USP32: variants seen among roughly 807,000 people sequenced by gnomAD.
The protein encoded by USP32 is ubiquitin carboxyl-terminal hydrolase 32.
A neutral mutation model predicts 204.8 loss-of-function variants in USP32; 59 were observed. The ratio of observed to expected loss-of-function variants is 0.29; its 90% CI spans 0.23 to 0.36. USP32 has a LOEUF of 0.36. Among genes scored for constraint, USP32 ranks in the 10% least tolerant of loss-of-function variants. The probability of loss-of-function intolerance (pLI) is 1.00; values close to 1 mark genes in which losing one functional copy is unlikely to be tolerated. For missense variants in USP32, 1,160 were observed against 1,946.4 expected (o/e 0.60, Z 7.60); for synonymous variants, 517 against 678.4 (o/e 0.76, Z 3.70).
At chr17:60,383,650 A>G (rs541080943) in intron 1 of USP32, among the ~76,000 whole-genome samples, 77 of 152,380 alleles carry the variant, frequency 5.1e-4, no homozygotes, top group Non-Finnish European at 9.8e-4. Context: ...AGATATGAGA[A>G]TGAGCCAGAC....
chr17:60,208,931 GA>G, intron 22 of USP32, 103 bp from the exon 23 acceptor site: 6 of 1,224,250 alleles, frequency 4.9e-6, no homozygotes, highest in Non-Finnish European at 5.5e-6. Context: ...TAAATGTAAA[GA>G]ATATAATCCT....
chr17:60,344,235 TCTC>T (rs1295286245), intron 2 of USP32, among the ~76,000 whole-genome samples: 4 of 143,354 alleles, frequency 2.8e-5, no homozygotes, highest in Admixed American at 7.0e-5. Context: ...TTCAAGCAAT[TCTC>T]CTGCCTCAGC....
chr17:60,200,386 C>T (rs1162092799), intron 26 of USP32, among the ~76,000 whole-genome samples: 2 of 151,858 alleles, frequency 1.3e-5, no homozygotes, highest in Admixed American at 6.6e-5. Flanking sequence ...CATAGAGAAA[C>T]TCTGTCTCTA....
At chr17:60,378,310 T>A (rs550725902) in intron 1 of USP32, among the ~76,000 whole-genome samples, 1 of 152,308 alleles carries the variant, frequency 6.6e-6, no homozygotes, top group African/African-American at 2.4e-5. Flanking sequence ...TGGGTAGATA[T>A]GGAGAAAATG....
chr17:60,232,174 T>TC (rs200646774), intron 12 of USP32, among the ~76,000 whole-genome samples: 4,767 of 140,754 alleles, frequency 0.034, 280 homozygotes, highest in African/African-American at 0.12. Context: ...TTTTCTTTTT[T>TC]TTTTTTTTTT....
chr17:60,267,996 A>C (rs2145776530), intron 7 of USP32, among the ~76,000 whole-genome samples: 1 of 151,752 alleles, frequency 6.6e-6, no homozygotes, highest in East Asian at 1.9e-4. Context: ...TTTTTAGCCG[A>C]GACTATGTTT....
intron 1 of USP32, among the ~76,000 whole-genome samples, chr17:60,350,812 T>C (rs1010251476): frequency 1.3e-5 from 2 of 152,116 alleles, no homozygotes; most frequent in Non-Finnish European, 1.5e-5. Context: ...ACTCGGGTGA[T>C]GGGTGCATTA....
intron 12 of USP32, among the ~76,000 whole-genome samples, chr17:60,229,221 A>G (rs2085479652): frequency 1.3e-5 from 2 of 152,006 alleles, no homozygotes; most frequent in South Asian, 4.2e-4. Flanking sequence ...TAAAGTTTTC[A>G]TAGAGATGGG....
intron 1 of USP32, among the ~76,000 whole-genome samples, chr17:60,351,289 G>A (rs759519638): frequency 3.9e-5 from 6 of 152,016 alleles, no homozygotes; most frequent in Admixed American, 2.0e-4. Context: ...AGCAACTCCC[G>A]GGCTCAAGTG....
At chr17:60,373,606 C>A (rs754948064) in intron 1 of USP32, among the ~76,000 whole-genome samples, 9 of 151,902 alleles carry the variant, frequency 5.9e-5, no homozygotes, top group Admixed American at 5.9e-4. Context: ...TGCACCACCA[C>A]AACCGGCTAA....
chr17:60,371,253 TAAAAAAAAAAAA>T (rs373242290), intron 1 of USP32, among the ~76,000 whole-genome samples: 1 of 66,294 alleles, frequency 1.5e-5, no homozygotes, highest in African/African-American at 5.2e-5. Context: ...CTCTAAAAAT[TAAAAAAAAAAAA>T]AAAAAAAAAA....
intron 2 of USP32, among the ~76,000 whole-genome samples, chr17:60,332,463 CA>C (rs1452598608): frequency 1.3e-5 from 2 of 151,614 alleles, no homozygotes; most frequent in African/African-American, 4.8e-5. Flanking sequence ...GCCTGGCCAA[CA>C]TAGTGAAACC....
rs2083993380 is a variant in USP32 at position 60,177,413 on chromosome 17, T to C, written c.*1842A>G. ...GTCAGTGCATTGTCAACAAGTTTTATACAGTAATTTACAAGGTGAATGTAG... is the reference window on the plus strand; with the variant it reads ...GTCAGTGCATTGTCAACAAGTTTTACACAGTAATTTACAAGGTGAATGTAG... On this transcript the variant is annotated 3_prime_UTR_variant, in exon 34 of 34. Transcript: ENST00000300896. Among the ~76,000 whole-genome samples the C allele has an allele frequency of 6.6e-6, 1 of 152,254 alleles. No homozygotes were observed. The highest frequency in any genetic ancestry group is 1.5e-5 in the Non-Finnish European group (1 of 68,048).
chr17:60,365,222 T>C (rs1368130057), intron 1 of USP32, among the ~76,000 whole-genome samples: 2 of 152,166 alleles, frequency 1.3e-5, no homozygotes, highest in Non-Finnish European at 2.9e-5. Flanking sequence ...GGCTCATACC[T>C]GTAATCCCAG....
chr17:60,327,626 C>A (rs893620071), intron 2 of USP32, among the ~76,000 whole-genome samples: 1 of 152,204 alleles, frequency 6.6e-6, no homozygotes, highest in Admixed American at 6.5e-5. Context: ...CAAGGAGATG[C>A]GGCCAGGGCT....
At chr17:60,263,455 G>C (rs571409969) in intron 9 of USP32, among the ~76,000 whole-genome samples, 2 of 152,268 alleles carry the variant, frequency 1.3e-5, no homozygotes, top group South Asian at 4.1e-4. Context: ...ATGGTTAATA[G>C]GCTTGGTTAA....
At chr17:60,189,549 A>G (rs1039664617) in intron 29 of USP32, among the ~76,000 whole-genome samples, 2 of 152,208 alleles carry the variant, frequency 1.3e-5, no homozygotes, top group Non-Finnish European at 1.5e-5. Flanking sequence ...TTACCATTCA[A>G]ATAATATTTG....
chr17:60,264,857 C>CAAAAA (rs34027846), intron 9 of USP32, among the ~76,000 whole-genome samples: 13 of 43,480 alleles, frequency 3.0e-4, no homozygotes, highest in African/African-American at 6.1e-4. Flanking sequence ...AAGACTCTGT[C>CAAAAA]AAAAAAAAAA....
chr17:60,266,080 C>T lies in USP32; in HGVS notation c.823G>A (p.Val275Ile), dbSNP rs140545507. Reference protein sequence around the residue: ...LAERQKFCFKVFDVDRDGVLS... With the variant: ...LAERQKFCFKIFDVDRDGVLS... The stretch of plus-strand genomic sequence containing the variant: ...ACTCCATCACGGTCAACATCAAATA[C>T]CTTGAAGCAAACTAATGAAAAGAAA... Residue 275 changes from valine (V) to isoleucine (I), a missense_variant, in exon 8 of 34, where the codon GTA becomes ATA. Val to Ile is a conservative substitution (Grantham distance 29). Around this residue, in one of 8 missense-constraint regions of USP32, gnomAD observed 536 missense variants for 680.9 expected, o/e 0.79. Transcript: ENST00000300896. 6.8e-4 allele frequency: 1,100 copies of T among 1,613,398 alleles called. No individual in the cohort carries two copies. The highest frequency in any genetic ancestry group is 2.0e-3 in the Admixed American group (120 of 59,950).
Sources: allele counts gnomAD v4.1 joint callset (sites outside exome capture counted in the v4.1 genomes callset), GRCh38; gene constraint gnomAD v4.1.1; regional missense constraint gnomAD v4.1.1; transcripts MANE v1.5; gene names NCBI Gene and HGNC (gene_info 2026-07-23, HGNC 2026-07-21).